Variants in NXPE2 observed in about 807,000 individuals in gnomAD.
The protein encoded by NXPE2 is NXPE family member 2.
A neutral mutation model predicts 34.4 loss-of-function variants in NXPE2; 34 were observed. The ratio of observed to expected loss-of-function variants is 0.99; its 90% CI spans 0.75 to 1.31. The LOEUF (loss-of-function observed/expected upper bound fraction) is 1.31. Ranked by LOEUF, NXPE2 falls within the 40% of genes most tolerant of loss-of-function variation. NXPE2 has a pLI of 0.00. For missense variants in NXPE2, 649 were observed against 672.5 expected (o/e 0.97, Z 0.39); for synonymous variants, 235 against 231.3 (o/e 1.02, Z -0.15).
chr11:114,559,563 C>A, the NXPE2 span, among the ~76,000 whole-genome samples: 4 of 151,788 alleles, frequency 2.6e-5, no homozygotes, highest in Non-Finnish European at 1.5e-5. Context: ...GCTGTCTCAC[C>A]GTCAAAACCA....
the NXPE2 span, chr11:114,522,023 G>T: frequency 6.2e-7 from 1 of 1,613,806 alleles, no homozygotes. Flanking sequence ...ATGATCAGGT[G>T]GGTGGATAGT....
chr11:114,716,130 C>T, the NXPE2 span, among the ~76,000 whole-genome samples: 2 of 152,178 alleles, frequency 1.3e-5, no homozygotes, highest in Admixed American at 6.5e-5. Flanking sequence ...TGTCCATGTA[C>T]CCCCTCGGTT....
the NXPE2 span, among the ~76,000 whole-genome samples, chr11:114,492,382 C>G: frequency 6.6e-6 from 1 of 152,052 alleles, no homozygotes; most frequent in African/African-American, 2.4e-5. Flanking sequence ...TTAAAAAAGT[C>G]TTTAAAGGCT....
At chr11:114,571,264 GGCCCAGGGAA>G in the NXPE2 span, 40 of 1,613,870 alleles carry the variant, frequency 2.5e-5, no homozygotes, top group African/African-American at 5.1e-4. Flanking sequence ...CTGAAATGCT[GGCCCAGGGAA>G]ATAACAATGA....
At chr11:114,550,890 T>A in the NXPE2 span, among the ~76,000 whole-genome samples, 1 of 152,160 alleles carries the variant, frequency 6.6e-6, no homozygotes, top group Non-Finnish European at 1.5e-5. Context: ...GGTCAAATCC[T>A]AATTGGAATG....
chr11:114,634,091 T>G, the NXPE2 span, among the ~76,000 whole-genome samples: 2 of 151,554 alleles, frequency 1.3e-5, no homozygotes, highest in Non-Finnish European at 2.9e-5. Flanking sequence ...AGTGTAAAAG[T>G]GTTCCTATTT....
At chr11:114,752,312 A>G in the NXPE2 span, among the ~76,000 whole-genome samples, 27 of 152,238 alleles carry the variant, frequency 1.8e-4, no homozygotes, top group African/African-American at 6.3e-4. Context: ...GAGGCAGTGC[A>G]CTGTCAGTTC....
At chr11:114,608,840 TAA>T in the NXPE2 span, among the ~76,000 whole-genome samples, 1 of 151,940 alleles carries the variant, frequency 6.6e-6, no homozygotes, top group African/African-American at 2.4e-5. Context: ...TGGTGGATAA[TAA>T]GTGTTGCCTT....
At chr11:114,479,339 G>A in the NXPE2 span, among the ~76,000 whole-genome samples, 2 of 152,196 alleles carry the variant, frequency 1.3e-5, no homozygotes, top group African/African-American at 2.4e-5. Flanking sequence ...GGGAGCTACT[G>A]TAGTAGTTAG....
the NXPE2 span, among the ~76,000 whole-genome samples, chr11:114,776,075 C>T: frequency 6.6e-6 from 1 of 152,148 alleles, no homozygotes; most frequent in Non-Finnish European, 1.5e-5. Context: ...AGGACCTGGG[C>T]ATTAAAAGGG....
the NXPE2 span, among the ~76,000 whole-genome samples, chr11:114,656,212 C>G: frequency 1.3e-5 from 2 of 151,840 alleles, no homozygotes; most frequent in Middle Eastern, 3.5e-3. Context: ...CCTAGGAATA[C>G]AGTTAACAAG....
chr11:114,604,920 C>A, the NXPE2 span, among the ~76,000 whole-genome samples: 7 of 151,966 alleles, frequency 4.6e-5, no homozygotes, highest in Admixed American at 6.6e-5. Context: ...ATTAGTGTTG[C>A]CTCTAGGGTA....
the NXPE2 span, among the ~76,000 whole-genome samples, chr11:114,498,909 T>C: frequency 6.6e-6 from 1 of 152,054 alleles, no homozygotes; most frequent in Non-Finnish European, 1.5e-5. Flanking sequence ...AGAAAATGAA[T>C]TGGAAGTGTG....
intron 3 of NXPE2, among the ~76,000 whole-genome samples, chr11:114,700,795 A>C (rs1008679869): frequency 6.6e-6 from 1 of 152,202 alleles, no homozygotes; most frequent in Non-Finnish European, 1.5e-5. Context: ...AGCATACAGC[A>C]TTTCCCAAAT....
intron 2 of NXPE2, among the ~76,000 whole-genome samples, chr11:114,694,624 T>C (rs1018862041): frequency 6.6e-6 from 1 of 152,228 alleles, no homozygotes; most frequent in Non-Finnish European, 1.5e-5. Context: ...TATTCTGTTC[T>C]TTTTTCATGC....
the NXPE2 span, among the ~76,000 whole-genome samples, chr11:114,726,530 C>T: frequency 6.6e-6 from 1 of 152,058 alleles, no homozygotes; most frequent in African/African-American, 2.4e-5. Flanking sequence ...TTACTAAGTG[C>T]TCAGTCTGTC....
chr11:114,620,221 A>G, the NXPE2 span, among the ~76,000 whole-genome samples: 7 of 151,756 alleles, frequency 4.6e-5, no homozygotes, highest in African/African-American at 1.7e-4. Flanking sequence ...CTGATGGGTA[A>G]CCACTGTTAT....
At chr11:114,509,779 G>A in the NXPE2 span, among the ~76,000 whole-genome samples, 1 of 152,140 alleles carries the variant, frequency 6.6e-6, no homozygotes, top group African/African-American at 2.4e-5. Context: ...GGAGGGTGGA[G>A]GGTGGGAGGA....
At chr11:114,577,074 G>A in the NXPE2 span, among the ~76,000 whole-genome samples, 3 of 102,888 alleles carry the variant, frequency 2.9e-5, no homozygotes, top group African/African-American at 4.3e-5. Context: ...TATATATAAA[G>A]TTATATATAT....
Sources: allele counts gnomAD v4.1 joint callset (sites outside exome capture counted in the v4.1 genomes callset), GRCh38; gene constraint gnomAD v4.1.1; transcripts MANE v1.5; gene names NCBI Gene and HGNC (gene_info 2026-07-23, HGNC 2026-07-21).